WDFY4: variants seen among roughly 807,000 people sequenced by gnomAD.
The protein encoded by WDFY4 is WDFY family member 4, also known as WD repeat- and FYVE domain-containing protein 4.
Under a neutral mutation model 351.9 loss-of-function variants are expected in WDFY4, and 169 were observed. The observed-to-expected ratio is 0.48, with a 90% confidence interval of 0.42 to 0.55. The LOEUF (loss-of-function observed/expected upper bound fraction) is 0.55, where lower values mean the gene tolerates loss of function less well. WDFY4 is among the 20% of genes least tolerant of loss of function. The probability of loss-of-function intolerance (pLI) is 0.00; values close to 1 mark genes in which losing one functional copy is unlikely to be tolerated. For synonymous variants in WDFY4, 1,622 were observed against 1,574.6 expected, an observed-to-expected ratio of 1.03 and a Z score of -0.71; for missense variants, 3,803 against 3,935.6, an observed-to-expected ratio of 0.97 and a Z score of 0.90.
chr10:48,919,555 G>T (rs1838864525), intron 47 of WDFY4, among the ~76,000 whole-genome samples: 1 of 152,192 alleles, frequency 6.6e-6, no homozygotes, highest in Non-Finnish European at 1.5e-5. Flanking sequence ...TGTTCCAGAG[G>T]CTGGGAAGTC....
intron 12 of WDFY4, among the ~76,000 whole-genome samples, chr10:48,754,230 G>GC (rs2065265115): frequency 1.4e-5 from 2 of 140,986 alleles, no homozygotes; most frequent in African/African-American, 5.2e-5. Context: ...ATATTGGTAG[G>GC]TTTTTTTTTT....
chr10:48,796,447 C>T lies in WDFY4; in HGVS notation c.4407C>T (p.Phe1469=), dbSNP rs61747060. 1,107 of 1,550,466 alleles carry T rather than the reference C, an allele frequency of 7.1e-4. 7 individuals are homozygous for T. The African/African-American group carries it at 0.012, about 16-fold the overall frequency. ...TCTTCCAGCACATCCTCTGCAATTT[C>T]GAGGTAAATCAGAGATTGGCCCTTA... ...TGVFQHILCN[F]ELWMNTADNL... Residue 1469 remains phenylalanine, a synonymous_variant, in exon 24 of 62, where the codon TTC becomes TTT. Transcript: ENST00000325239.
intron 12 of WDFY4, among the ~76,000 whole-genome samples, chr10:48,758,372 A>G (rs1388011324): frequency 6.6e-6 from 1 of 151,960 alleles, no homozygotes; most frequent in Non-Finnish European, 1.5e-5. Flanking sequence ...CAGCAGTTTG[A>G]TTGTGCTGTG....
chr10:48,806,166 G>A, intron 27 of WDFY4, 71 bp downstream of exon 27: 2 of 1,461,540 alleles, frequency 1.4e-6, no homozygotes, highest in Admixed American at 2.0e-5. Context: ...CCCACATTGT[G>A]CAGAGGGAGG....
chr10:48,944,382 G>A (rs557255685), intron 49 of WDFY4, among the ~76,000 whole-genome samples: 2 of 152,310 alleles, frequency 1.3e-5, no homozygotes, highest in African/African-American at 2.4e-5. Context: ...GAAAGGATGG[G>A]GAGTAAAACT....
chr10:48,974,554 G>T (rs574186764), intron 57 of WDFY4, among the ~76,000 whole-genome samples: 1 of 103,846 alleles, frequency 9.6e-6, no homozygotes, highest in African/African-American at 3.4e-5. Context: ...AACTGCTCCC[G>T]GGTTCAAGAT....
At chr10:48,708,109 A>G (rs2063679919) in intron 1 of WDFY4, among the ~76,000 whole-genome samples, 1 of 152,218 alleles carries the variant, frequency 6.6e-6, no homozygotes, top group Non-Finnish European at 1.5e-5. Context: ...GGCAAGCATT[A>G]TGTTCTTCCT....
At chr10:48,707,351 T>A (rs1325546652) in intron 1 of WDFY4, among the ~76,000 whole-genome samples, 2 of 152,162 alleles carry the variant, frequency 1.3e-5, no homozygotes, top group Non-Finnish European at 2.9e-5. Context: ...TCTGGAGGCA[T>A]CTTAGTTTGT....
intron 16 of WDFY4, 48 bp from the exon 17 acceptor site, chr10:48,777,371 A>G: frequency 6.7e-7 from 1 of 1,503,544 alleles, no homozygotes; most frequent in South Asian, 1.2e-5. Flanking sequence ...TGTCAGTGCA[A>G]GAGATTGGCT....
chr10:48,824,168 G>A, intron 35 of WDFY4: 1 of 985,452 alleles, frequency 1.0e-6, no homozygotes, highest in East Asian at 1.1e-4. Context: ...TCCGTCTCCA[G>A]TAGATGATAT....
chr10:48,806,393 C>A (rs982225047), intron 27 of WDFY4, among the ~76,000 whole-genome samples: 1 of 152,168 alleles, frequency 6.6e-6, no homozygotes. Flanking sequence ...CTGGTTGAAC[C>A]CCCACTACCC....
At chr10:48,872,933 G>C (rs1392702368) in intron 40 of WDFY4, among the ~76,000 whole-genome samples, 1 of 152,198 alleles carries the variant, frequency 6.6e-6, no homozygotes, top group Non-Finnish European at 1.5e-5. Flanking sequence ...ATTCAGGCCA[G>C]GTCTGTCATT....
intron 42 of WDFY4, among the ~76,000 whole-genome samples, chr10:48,875,754 C>T (rs2069974545): frequency 1.3e-5 from 2 of 152,210 alleles, no homozygotes; most frequent in Admixed American, 1.3e-4. Flanking sequence ...TTTCTCATTT[C>T]CTGACTAATG....
chr10:48,910,859 G>C, intron 47 of WDFY4: 1 of 969,734 alleles, frequency 1.0e-6, no homozygotes, highest in South Asian at 4.8e-5. Context: ...GGGAGGACGT[G>C]GACCAGCAAA....
At chr10:48,857,773 T>C (rs891465510) in intron 39 of WDFY4, among the ~76,000 whole-genome samples, 2 of 151,750 alleles carry the variant, frequency 1.3e-5, no homozygotes, top group African/African-American at 4.8e-5. Flanking sequence ...TCTGATGATA[T>C]TTTTTGTTTT....
intron 11 of WDFY4, among the ~76,000 whole-genome samples, chr10:48,742,271 A>G (rs925613080): frequency 1.3e-5 from 2 of 152,198 alleles, no homozygotes; most frequent in Middle Eastern, 3.2e-3. Flanking sequence ...GGCCTATGCT[A>G]TGTGTTATAC....
chr10:48,870,907 T>C (rs188093862), intron 40 of WDFY4, among the ~76,000 whole-genome samples: 16 of 151,948 alleles, frequency 1.1e-4, no homozygotes, highest in Non-Finnish European at 1.9e-4. Flanking sequence ...CATCCCCAGG[T>C]TGCATAGGTG....
At chr10:48,802,821 T>A (rs1030037464) in intron 24 of WDFY4, 7 of 474,308 alleles carry the variant, frequency 1.5e-5, no homozygotes, top group African/African-American at 1.0e-4. Flanking sequence ...CCTGAAAATC[T>A]GTACCTGGCT....
At chr10:48,903,630 T>C (rs890354744) in intron 47 of WDFY4, among the ~76,000 whole-genome samples, 2 of 152,144 alleles carry the variant, frequency 1.3e-5, no homozygotes, top group Admixed American at 6.5e-5. Context: ...GCTTCAGCAA[T>C]TGGAAAATTA....
Sources: allele counts gnomAD v4.1 joint callset (sites outside exome capture counted in the v4.1 genomes callset), GRCh38; gene constraint gnomAD v4.1.1; transcripts MANE v1.5; gene names NCBI Gene and HGNC (gene_info 2026-07-23, HGNC 2026-07-21).